ACOT9: variants seen among roughly 807,000 people sequenced by gnomAD.
ACOT9 encodes acyl-CoA thioesterase 9, also known as acyl-coenzyme A thioesterase 9, mitochondrial.
ACOT9 carries 34 observed loss-of-function variants against 39.7 expected under a neutral mutation model. The ratio of observed to expected loss-of-function variants is 0.86; its 90% CI spans 0.65 to 1.14. ACOT9 has a LOEUF of 1.14. Among genes scored for constraint, ACOT9 ranks in the 50% most tolerant of loss-of-function variants. ACOT9 has a pLI of 0.00. For missense variants in ACOT9, 313 were observed against 344.1 expected (o/e 0.91, Z 0.71); for synonymous variants, 110 against 120.5 (o/e 0.91, Z 0.57).
At chrX:23,742,213 T>TGAGTGAGTGA (rs1555941896) in intron 1 of ACOT9, among the ~76,000 whole-genome samples, 2 of 68,910 alleles carry the variant, frequency 2.9e-5, no homozygotes, top group African/African-American at 7.5e-5. Flanking sequence ...AGTGAGTGAG[T>TGAGTGAGTGA]GAGAGAGAGA....
At chrX:23,735,294 T>C (rs1356462612) in intron 2 of ACOT9, among the ~76,000 whole-genome samples, 3 of 73,821 alleles carry the variant, frequency 4.1e-5, no homozygotes, top group African/African-American at 1.5e-4. Context: ...GTACCTCAAA[T>C]AGTACATGGA....
At position 23,703,614 on chromosome X, in the gene ACOT9, A is replaced by G. The variant is rs2146808611; in HGVS notation, c.*280T>C. 4 of 226,992 alleles carry G rather than the reference A, an allele frequency of 1.8e-5. No individual in the cohort carries two copies. In the East Asian group the frequency reaches 2.9e-4, roughly 16 times the overall value. 18.7% of individuals were successfully genotyped at this position (226,992 alleles called of 1,213,427 possible). A position where few individuals can be genotyped will look rare whatever the true frequency, so the allele number is the denominator to read the frequency against. ...ATTATAGGCATGAGCCACCACGCCC[A>G]GCCTCTCAATTTTTTTGTTTTTTCA... On this transcript the variant is annotated 3_prime_UTR_variant, in exon 16 of 16. Coordinates refer to ENST00000379303, the MANE Select transcript of ACOT9 (RefSeq NM_001037171.2).
intron 10 of ACOT9, chrX:23,707,252 T>C (rs1347723712): frequency 9.3e-6 from 1 of 107,700 alleles, no homozygotes; most frequent in Non-Finnish European, 1.9e-5. Flanking sequence ...TATTGTTCAT[T>C]GTAGCCTCAA....
At chrX:23,719,439 G>T (rs1466593015) in intron 8 of ACOT9, among the ~76,000 whole-genome samples, 1 of 111,404 alleles carries the variant, frequency 9.0e-6, no homozygotes, top group Non-Finnish European at 1.9e-5. Context: ...TCACCAAAAG[G>T]TGAAATGCTT....
At position 23,743,182 on chromosome X, in the gene ACOT9, C is replaced by T; in HGVS notation, c.-38G>A. 1.7e-6 allele frequency: 2 copies of T among 1,146,793 alleles called. No individual in the cohort carries two copies. The allele number at this position is 1,146,793 out of a possible 1,213,427, so 94.5% of individuals were successfully genotyped here. A position where few individuals can be genotyped will look rare whatever the true frequency, so the allele number is the denominator to read the frequency against. On this transcript the variant is annotated 5_prime_UTR_variant, in exon 1 of 16. Transcript: ENST00000379303. Reference sequence around the variant, plus strand: ...CCGTGCGCGCGATGGAGAACCGGGCCCCGCGCGCTAGTCGGCGGAGGGAAA... The same window carrying T: ...CCGTGCGCGCGATGGAGAACCGGGCTCCGCGCGCTAGTCGGCGGAGGGAAA...
chrX:23,720,749 T>C (rs1244633940), intron 8 of ACOT9, among the ~76,000 whole-genome samples: 1 of 111,165 alleles, frequency 9.0e-6, no homozygotes, highest in Non-Finnish European at 1.9e-5. Flanking sequence ...TATGGTACTT[T>C]GTGGTACCGC....
At chrX:23,727,437 C>T (rs569400921) in intron 6 of ACOT9, among the ~76,000 whole-genome samples, 1 of 110,287 alleles carries the variant, frequency 9.1e-6, no homozygotes, top group African/African-American at 3.3e-5. Flanking sequence ...GCAATCCTCC[C>T]ACCTCAGTCT....
chrX:23,741,037 G>A (rs113424188), intron 1 of ACOT9, among the ~76,000 whole-genome samples: 1,751 of 108,461 alleles, frequency 0.016, 39 homozygotes, highest in African/African-American at 0.055. Flanking sequence ...CGAGTTAATG[G>A]GTGCAGCACA....
intron 6 of ACOT9, among the ~76,000 whole-genome samples, chrX:23,730,025 A>G (rs1348742196): frequency 1.8e-5 from 2 of 109,901 alleles, no homozygotes; most frequent in East Asian, 5.7e-4. Context: ...TTCAGACTAT[A>G]CCTCCATTAA....
chrX:23,740,065 T>A (rs1466440945), intron 1 of ACOT9, among the ~76,000 whole-genome samples: 2 of 110,799 alleles, frequency 1.8e-5, no homozygotes, highest in African/African-American at 6.6e-5. Flanking sequence ...TAATAATAAA[T>A]CTATATCATA....
chrX:23,730,349 T>G (rs1929690340), intron 6 of ACOT9, among the ~76,000 whole-genome samples, 178 bp downstream of exon 6: 1 of 111,017 alleles, frequency 9.0e-6, no homozygotes. Context: ...CGCCTCAGCC[T>G]CCCAAAGTGC....
intron 6 of ACOT9, among the ~76,000 whole-genome samples, chrX:23,730,063 A>G (rs1312535444): frequency 9.2e-6 from 1 of 108,404 alleles, no homozygotes; most frequent in Non-Finnish European, 1.9e-5. Flanking sequence ...TAAGAAAAAA[A>G]TTATGACAAT....
intron 9 of ACOT9, among the ~76,000 whole-genome samples, chrX:23,708,993 A>C (rs1461627988): frequency 1.8e-5 from 2 of 112,470 alleles, no homozygotes; most frequent in African/African-American, 6.4e-5. Context: ...TATTCTATCT[A>C]CTTTTCTGTA....
intron 1 of ACOT9, among the ~76,000 whole-genome samples, chrX:23,737,937 C>T (rs189366142): frequency 9.6e-6 from 1 of 104,039 alleles, no homozygotes; most frequent in African/African-American, 3.6e-5. Context: ...GGTGCGATCT[C>T]GGCTCACTGC....
At chrX:23,720,973 C>A (rs1345697167) in intron 8 of ACOT9, among the ~76,000 whole-genome samples, 3 of 111,808 alleles carry the variant, frequency 2.7e-5, no homozygotes, top group African/African-American at 6.5e-5. Context: ...TAAGGCCAGC[C>A]ATGCCTGTAA....
intron 4 of ACOT9, among the ~76,000 whole-genome samples, chrX:23,732,213 T>TA (rs1262930191): frequency 8.9e-6 from 1 of 112,545 alleles, no homozygotes; most frequent in Non-Finnish European, 1.9e-5. Context: ...TAAACAGCTA[T>TA]AAAAACATTT....
At chrX:23,709,902 T>C (rs902678376) in intron 9 of ACOT9, among the ~76,000 whole-genome samples, 1 of 112,364 alleles carries the variant, frequency 8.9e-6, no homozygotes, top group African/African-American at 3.2e-5. Context: ...GAGGCTCTTT[T>C]TTTGAGGTAG....
Position 23,703,724 on chromosome X carries a change from C to A in ACOT9, c.*170G>T. 1 of 407,661 alleles carries A rather than the reference C, an allele frequency of 2.5e-6. No individual in the cohort carries two copies. The highest frequency in any genetic ancestry group is 4.3e-6 in the Non-Finnish European group (1 of 229,890). The allele number at this position is 407,661 out of a possible 1,213,427, so 33.6% of individuals were successfully genotyped here. On this transcript the variant is annotated 3_prime_UTR_variant, in exon 16 of 16. Coordinates refer to ENST00000379303, the MANE Select transcript of ACOT9 (RefSeq NM_001037171.2). ...TTAATAATTCTTTCTCCCCTCAGCCCCATCCGGCCACTCTCTCTTTCTGCT... is the reference window on the plus strand; with the variant it reads ...TTAATAATTCTTTCTCCCCTCAGCCACATCCGGCCACTCTCTCTTTCTGCT...
intron 11 of ACOT9, 47 bp from the exon 12 acceptor site, chrX:23,705,905 T>C (rs1928663829): frequency 1.9e-6 from 2 of 1,035,745 alleles, no homozygotes; most frequent in East Asian, 3.0e-5. Flanking sequence ...CATGGTTCTC[T>C]TGTTGAAAAG....
Sources: gnomAD v4.1 joint callset for allele counts (sites outside exome capture counted in the v4.1 genomes callset) on GRCh38, gnomAD v4.1.1 for gene constraint, MANE v1.5 for transcripts, NCBI Gene and HGNC (gene_info 2026-07-23, HGNC 2026-07-21) for gene names.